Variants in RSPH14 observed in about 807,000 individuals in gnomAD.
RSPH14 encodes radial spoke head 14 homolog.
A neutral mutation model predicts 26.7 loss-of-function variants in RSPH14; 20 were observed. That is an observed-to-expected ratio of 0.75 (90% CI 0.53 to 1.09). The LOEUF is 1.09. Ranked by LOEUF, RSPH14 falls within the 50% of genes least tolerant of loss-of-function variation. RSPH14 has a pLI of 0.00. For synonymous variants in RSPH14, 177 were observed against 189.3 expected (o/e 0.93, Z 0.53); for missense variants, 449 against 457.2 (o/e 0.98, Z 0.16).
intron 1 of RSPH14, among the ~76,000 whole-genome samples, chr22:23,141,186 G>A (rs1569198421): frequency 6.6e-6 from 1 of 152,082 alleles, no homozygotes; most frequent in African/African-American, 2.4e-5. Flanking sequence ...AAAATTAGCT[G>A]GGCGTGATGG....
At chr22:23,148,897 T>C (rs1362495248), upstream of RSPH14, among the ~76,000 whole-genome samples, 1 of 152,230 alleles carries the variant, frequency 6.6e-6, no homozygotes, top group Admixed American at 6.5e-5. Context: ...GAAAGTAGAC[T>C]ATCAGGCTAA....
chr22:23,061,864 C>T lies in RSPH14; in HGVS notation c.735G>A (p.Glu245=). The change falls in exon 6 of 7, where the codon GAG becomes GAA. Residue 245 remains glutamate (E), a synonymous_variant. Transcript: ENST00000216036. The part of the protein sequence containing the change: ...ILVHLLKDPV[E]HVKSNAAGAL... ...CACCGGCAGCGTTAGACTTCACATG[C>T]TCCACTGGGTCTTTCAGCAGATGGA... 1.2e-6 allele frequency: 2 copies of T among 1,614,162 alleles called. No homozygotes were observed. Among genetic ancestry groups the T allele is most frequent in the South Asian group, 1.1e-5 (1 of 91,076 alleles).
chr22:23,074,881 AT>A (rs1403388133), intron 4 of RSPH14, among the ~76,000 whole-genome samples: 1 of 152,088 alleles, frequency 6.6e-6, no homozygotes, highest in African/African-American at 2.4e-5. Flanking sequence ...TTTGAAAATT[AT>A]TAAGGGCCTG....
At chr22:23,138,666 A>T (rs1238713343) in intron 3 of RSPH14, among the ~76,000 whole-genome samples, 174 bp downstream of exon 3, 2 of 152,210 alleles carry the variant, frequency 1.3e-5, no homozygotes, top group Admixed American at 1.3e-4. Flanking sequence ...TAAGATCCAC[A>T]CAGAGGCAAC....
intron 4 of RSPH14, chr22:23,124,552 C>A: frequency 3.7e-6 from 1 of 267,308 alleles, no homozygotes; most frequent in South Asian, 3.1e-5. Context: ...AAGGTTCTTT[C>A]ACCTGGGAGC....
rs1052281268 is a variant in RSPH14, at chr22:23,068,638, A to C, written c.422-4505T>G. Among the ~76,000 whole-genome samples, 5 of 152,350 alleles carry C rather than the reference A, an allele frequency of 3.3e-5. No homozygotes were observed. The South Asian group carries it at 8.3e-4, about 25-fold the overall frequency. The stretch of plus-strand genomic sequence containing the variant: ...CTGGAAAGGGCCATCTCACTGTTGC[A>C]TGTGGGCTTACCTCTGCAAACAATT... On this transcript the variant is annotated intron_variant, in intron 4 of 6. Coordinates refer to ENST00000216036, the MANE Select transcript of RSPH14 (RefSeq NM_014433.3).
chr22:23,093,072 A>C (rs1446856168), intron 4 of RSPH14, among the ~76,000 whole-genome samples: 5 of 152,250 alleles, frequency 3.3e-5, no homozygotes, highest in Non-Finnish European at 5.9e-5. Context: ...CAGGGTCTCC[A>C]TCCTCCATGC....
chr22:23,077,550 A>G (rs768004044), intron 4 of RSPH14, among the ~76,000 whole-genome samples: 2 of 152,142 alleles, frequency 1.3e-5, no homozygotes, highest in Non-Finnish European at 2.9e-5. Flanking sequence ...GGCCACGGAA[A>G]CAAGGTGCTA....
chr22:23,127,290 G>A (rs2070207721), intron 4 of RSPH14, among the ~76,000 whole-genome samples: 1 of 152,208 alleles, frequency 6.6e-6, no homozygotes. Context: ...GACGAGATGG[G>A]GATGCCTGAC....
chr22:23,155,960 C>T, the RSPH14 span: 5 of 1,608,164 alleles, frequency 3.1e-6, no homozygotes, highest in African/African-American at 2.7e-5. Flanking sequence ...TTCTCACCCA[C>T]CTCACAGCTG....
chr22:23,078,502 C>T (rs1038622697), intron 4 of RSPH14, among the ~76,000 whole-genome samples: 53 of 152,358 alleles, frequency 3.5e-4, no homozygotes, highest in African/African-American at 1.3e-3. Context: ...TCTGTCGTGG[C>T]TCCTGGAGTG....
At chr22:23,091,461 C>T (rs548727943) in intron 4 of RSPH14, among the ~76,000 whole-genome samples, 1 of 151,604 alleles carries the variant, frequency 6.6e-6, no homozygotes, top group East Asian at 1.9e-4. Flanking sequence ...CCTATGCATA[C>T]ACACACACAC....
the RSPH14 span, among the ~76,000 whole-genome samples, chr22:23,167,692 C>T: frequency 1.3e-5 from 2 of 151,736 alleles, no homozygotes; most frequent in African/African-American, 4.9e-5. Flanking sequence ...CATTCATTAA[C>T]TCTTTTTTTA....
chr22:23,157,953 C>T, the RSPH14 span: 5 of 1,613,762 alleles, frequency 3.1e-6, no homozygotes, highest in Non-Finnish European at 4.2e-6. Context: ...CTCGCCTCGC[C>T]TGGCACTGAT....
upstream of RSPH14, among the ~76,000 whole-genome samples, chr22:23,144,120 A>C (rs143664460): frequency 4.1e-5 from 6 of 145,890 alleles, no homozygotes; most frequent in East Asian, 2.1e-4. Flanking sequence ...AAAAAAAAAA[A>C]CAGCTAAAGG....
chr22:23,096,055 C>A (rs758783162), intron 4 of RSPH14: 1 of 1,607,384 alleles, frequency 6.2e-7, no homozygotes, highest in African/African-American at 1.3e-5. Context: ...AGGGCGAGAT[C>A]ACACCCGAGC....
chr22:23,156,622 A>G, the RSPH14 span, among the ~76,000 whole-genome samples: 1 of 152,242 alleles, frequency 6.6e-6, no homozygotes, highest in Non-Finnish European at 1.5e-5. Flanking sequence ...AGAGAACCTC[A>G]AAAGTATCCA....
At chr22:23,138,504 G>A (rs2070521475) in intron 3 of RSPH14, among the ~76,000 whole-genome samples, 1 of 152,166 alleles carries the variant, frequency 6.6e-6, no homozygotes, top group African/African-American at 2.4e-5. Flanking sequence ...AGGGGCTGCA[G>A]TGAGCTGAGA....
At chr22:23,061,713 T>C in intron 6 of RSPH14, 96 bp downstream of exon 6, 1 of 1,405,460 alleles carries the variant, frequency 7.1e-7, no homozygotes, top group Non-Finnish European at 9.6e-7. Flanking sequence ...AAGTGTGGAG[T>C]TTGGGGGACG....
Sources: gnomAD v4.1 joint callset for allele counts (sites outside exome capture counted in the v4.1 genomes callset) on GRCh38, gnomAD v4.1.1 for gene constraint, MANE v1.5 for transcripts, NCBI Gene and HGNC (gene_info 2026-07-23, HGNC 2026-07-21) for gene names.